Variants in CPA6 observed in about 807,000 individuals in gnomAD.
The protein encoded by CPA6 is carboxypeptidase A6.
Under a neutral mutation model 63.3 loss-of-function variants are expected in CPA6, and 58 were observed. That is an observed-to-expected ratio of 0.92 (90% confidence interval 0.74 to 1.14). The LOEUF is 1.14. Ranked by LOEUF, CPA6 falls within the 50% of genes most tolerant of loss-of-function variation. CPA6 has a pLI of 0.00. For missense variants in CPA6, 565 were observed against 526.6 expected (o/e 1.07, Z -0.71); for synonymous variants, 185 against 179.0 (o/e 1.03, Z -0.27).
intron 4 of CPA6, among the ~76,000 whole-genome samples, chr8:67,510,006 T>A (rs1009566897): frequency 6.6e-6 from 1 of 152,180 alleles, no homozygotes; most frequent in African/African-American, 2.4e-5. Flanking sequence ...TTAGGAAAAC[T>A]GTCCAAACTA....
chr8:67,556,448 C>A (rs1283260463), intron 2 of CPA6, among the ~76,000 whole-genome samples: 1 of 152,190 alleles, frequency 6.6e-6, no homozygotes, highest in Non-Finnish European at 1.5e-5. Flanking sequence ...AGGGGAGACT[C>A]AGCTGGGAGG....
At chr8:67,579,250 A>T (rs1813704869) in intron 2 of CPA6, among the ~76,000 whole-genome samples, 1 of 152,128 alleles carries the variant, frequency 6.6e-6, no homozygotes, top group East Asian at 1.9e-4. Context: ...ATCTCTACTA[A>T]AAATACAAAA....
chr8:67,495,077 T>C (rs1374189101), intron 6 of CPA6, among the ~76,000 whole-genome samples: 3 of 152,204 alleles, frequency 2.0e-5, no homozygotes, highest in Non-Finnish European at 4.4e-5. Context: ...GCCTAGTGCA[T>C]AGTAGTAAAC....
At chr8:67,460,952 T>C (rs1177333762) in intron 8 of CPA6, among the ~76,000 whole-genome samples, 1 of 152,030 alleles carries the variant, frequency 6.6e-6, no homozygotes, top group Non-Finnish European at 1.5e-5. Context: ...TATAACTCAG[T>C]GGAACTCTGC....
intron 2 of CPA6, among the ~76,000 whole-genome samples, chr8:67,604,913 G>C (rs1034182256): frequency 6.6e-6 from 1 of 152,104 alleles, no homozygotes; most frequent in Admixed American, 6.5e-5. Flanking sequence ...AAGTAGCTGG[G>C]ACTACAGGCA....
intron 1 of CPA6, among the ~76,000 whole-genome samples, chr8:67,653,221 T>C (rs1338930964): frequency 1.3e-5 from 2 of 151,808 alleles, no homozygotes; most frequent in African/African-American, 2.4e-5. Context: ...CTTGGCGATG[T>C]GGGCTCTTTT....
intron 1 of CPA6, among the ~76,000 whole-genome samples, chr8:67,739,282 G>A (rs1247347196): frequency 6.6e-6 from 1 of 152,222 alleles, no homozygotes; most frequent in Non-Finnish European, 1.5e-5. Flanking sequence ...AGAACATACT[G>A]CAGGGAAGAA....
At chr8:67,640,294 G>T (rs1815561199) in intron 1 of CPA6, among the ~76,000 whole-genome samples, 1 of 151,148 alleles carries the variant, frequency 6.6e-6, no homozygotes, top group African/African-American at 2.5e-5. Context: ...TTTGTGCCAA[G>T]GGGTGCCTGC....
intron 1 of CPA6, among the ~76,000 whole-genome samples, chr8:67,732,383 TTC>T (rs1817721998): frequency 6.6e-6 from 1 of 152,202 alleles, no homozygotes; most frequent in Non-Finnish European, 1.5e-5. Context: ...TCCCCCTTCC[TTC>T]CTCGCTCTCT....
At chr8:67,449,742 C>T (rs922467044) in intron 8 of CPA6, among the ~76,000 whole-genome samples, 1 of 151,762 alleles carries the variant, frequency 6.6e-6, no homozygotes, top group African/African-American at 2.4e-5. Context: ...CTCTCATGTT[C>T]TCCCTTCCTG....
chr8:67,577,710 C>T (rs986832629), intron 2 of CPA6, among the ~76,000 whole-genome samples: 4 of 151,996 alleles, frequency 2.6e-5, no homozygotes, highest in African/African-American at 4.8e-5. Context: ...AAAATAATTC[C>T]GTAAGAGAGT....
intron 1 of CPA6, among the ~76,000 whole-genome samples, chr8:67,738,937 A>C (rs1817864322): frequency 6.6e-6 from 1 of 151,148 alleles, no homozygotes; most frequent in Non-Finnish European, 1.5e-5. Flanking sequence ...CCATTTACAA[A>C]GACAAAAAAA....
At chr8:67,657,954 G>A (rs1027471323) in intron 1 of CPA6, among the ~76,000 whole-genome samples, 5 of 152,138 alleles carry the variant, frequency 3.3e-5, no homozygotes, top group Admixed American at 2.6e-4. Context: ...CATGACTCTA[G>A]GTTCTGAAGA....
intron 1 of CPA6, among the ~76,000 whole-genome samples, chr8:67,728,709 A>G (rs1817650587): frequency 6.6e-6 from 1 of 152,240 alleles, no homozygotes; most frequent in African/African-American, 2.4e-5. Context: ...AGCATTTTAC[A>G]TATATGAACT....
chr8:67,675,851 T>A (rs1816460256), intron 1 of CPA6, among the ~76,000 whole-genome samples: 2 of 152,192 alleles, frequency 1.3e-5, no homozygotes, highest in African/African-American at 2.4e-5. Flanking sequence ...GCACATTTTT[T>A]AAGAGATGGA....
chr8:67,443,681 C>T (rs531854317), intron 8 of CPA6, among the ~76,000 whole-genome samples: 1 of 152,110 alleles, frequency 6.6e-6, no homozygotes, highest in African/African-American at 2.4e-5. Context: ...GTCTCTTAAC[C>T]ATGAAGGATT....
At chr8:67,434,819 C>T (rs558030287) in intron 8 of CPA6, among the ~76,000 whole-genome samples, 1 of 152,312 alleles carries the variant, frequency 6.6e-6, no homozygotes, top group African/African-American at 2.4e-5. Flanking sequence ...AAGGAGGGAC[C>T]GCTGACAAAG....
At chr8:67,623,433 G>A (rs1261614087) in intron 2 of CPA6, among the ~76,000 whole-genome samples, 1 of 151,470 alleles carries the variant, frequency 6.6e-6, no homozygotes, top group African/African-American at 2.4e-5. Context: ...CTTGAGACAG[G>A]GTTTCTCTCT....
At chr8:67,634,507 A>G (rs367874171) in intron 1 of CPA6, among the ~76,000 whole-genome samples, 9 of 151,424 alleles carry the variant, frequency 5.9e-5, no homozygotes, top group East Asian at 1.9e-4. Context: ...CGTGAGCCAC[A>G]CTGGATTTAT....
Sources: allele counts gnomAD v4.1 joint callset (sites outside exome capture counted in the v4.1 genomes callset), GRCh38; gene constraint gnomAD v4.1.1; transcripts MANE v1.5; gene names NCBI Gene and HGNC (gene_info 2026-07-23, HGNC 2026-07-21).